GSTZ1: variants seen among roughly 807,000 people sequenced by gnomAD.
GSTZ1 encodes the protein maleylacetoacetate isomerase.
Under a neutral mutation model 35.9 loss-of-function variants are expected in GSTZ1, and 34 were observed. That is an observed-to-expected ratio of 0.95 (90% CI 0.72 to 1.26). GSTZ1 has a LOEUF of 1.26. Ranked by LOEUF, GSTZ1 falls within the 50% of genes most tolerant of loss-of-function variation. The probability of loss-of-function intolerance (pLI) is 0.00; values close to 1 mark genes in which losing one functional copy is unlikely to be tolerated. For synonymous variants in GSTZ1, 93 were observed against 101.2 expected, an observed-to-expected ratio of 0.92 and a Z score of 0.49; for missense variants, 263 against 271.7, an observed-to-expected ratio of 0.97 and a Z score of 0.23.
At chr14:77,329,452 A>G in intron 6 of GSTZ1, 1 of 595,002 alleles carries the variant, frequency 1.7e-6, no homozygotes, top group Non-Finnish European at 3.0e-6. Context: ...TTCACTGCCT[A>G]CTCCAGCTGG....
intron 1 of GSTZ1, 86 bp from the exon 2 acceptor site, chr14:77,324,784 C>A: frequency 1.5e-6 from 2 of 1,355,370 alleles, no homozygotes; most frequent in Non-Finnish European, 2.1e-6. Context: ...GGAGGCCTGG[C>A]AGGACAGGAA....
At chr14:77,325,710 C>T (rs8004561) in intron 2 of GSTZ1, 9,271 of 152,164 alleles carry the variant, frequency 0.061, 452 homozygotes, top group African/African-American at 0.13. Flanking sequence ...AAGAAGCTTG[C>T]CTCCAGAGTG....
At chr14:77,327,765 G>A in intron 4 of GSTZ1, 147 bp from the exon 5 acceptor site, 2 of 802,826 alleles carry the variant, frequency 2.5e-6, no homozygotes, top group Non-Finnish European at 4.1e-6. Flanking sequence ...GTCCAAAAAG[G>A]CTTATAGGGC....
At chr14:77,328,146 G>T (rs541738450) in intron 5 of GSTZ1, 109 bp downstream of exon 5, 50 of 1,063,598 alleles carry the variant, frequency 4.7e-5, no homozygotes. Flanking sequence ...GAGGGAGGGG[G>T]ATTCTCAGGG....
Position 77,331,334 on chromosome 14 carries a change from G to A in GSTZ1, c.*139G>A, listed in dbSNP as rs1414368502. On this transcript the variant is annotated 3_prime_UTR_variant, in exon 9 of 9. Transcript: ENST00000216465. ...TGGATCTGCCTTCCTGCTGAAACTT[G>A]TTCCACCTCAGTCCCCTCATCTGTC... 6.0e-6 allele frequency: 6 copies of A among 994,462 alleles called. No homozygotes were observed. Among genetic ancestry groups the A allele is most frequent in the Non-Finnish European group, 8.6e-6 (6 of 696,656 alleles). 61.6% of individuals were successfully genotyped at this position (994,462 alleles called of 1,614,324 possible).
rs1892205116 is a variant in GSTZ1 at position 77,324,524 on chromosome 14, A to G, written c.16-346A>G. ...GCTTCCCCATTGGCTCCTGAAATCC[A>G]CCCCTTTAGGTTTCCTTTCCCTGCT... On this transcript the variant is annotated intron_variant, in intron 1 of 8. Transcript: ENST00000216465. 4 of 1,318,702 alleles carry G rather than the reference A, an allele frequency of 3.0e-6. No individual in the cohort carries two copies. In the Admixed American group the frequency reaches 7.9e-5, roughly 26 times the overall value. The allele number at this position is 1,318,702 out of a possible 1,614,324, so 81.7% of individuals were successfully genotyped here. A position where few individuals can be genotyped will look rare whatever the true frequency, so the allele number is the denominator to read the frequency against.
intron 8 of GSTZ1, 67 bp downstream of exon 8, chr14:77,330,426 C>T (rs887767464): frequency 3.5e-5 from 45 of 1,274,044 alleles, no homozygotes; most frequent in East Asian, 4.6e-5. Context: ...ACTCAGCTGG[C>T]GAGATAGCAT....
rs778634162 is a variant in GSTZ1, at chr14:77,327,500, C to T, written c.164C>T (p.Pro55Leu). The T allele has an allele frequency of 1.9e-6, 3 of 1,608,918 alleles. No individual in the cohort carries two copies. The highest frequency in any genetic ancestry group is 2.5e-6 in the Non-Finnish European group (3 of 1,177,234). Residue 55 changes from proline (P) to leucine (L), a missense_variant, in exon 4 of 9, where the codon CCT becomes CTT. By Grantham distance (98) the Pro-to-Leu change is moderately conservative (BLOSUM62 -3). Coordinates refer to ENST00000216465, the MANE Select transcript of GSTZ1 (RefSeq NM_145870.3). ...QFSKDFQALNPMKQVPTLKID... is the reference protein window; with the variant it reads ...QFSKDFQALNLMKQVPTLKID... ...TCTAAGGACTTCCAGGCACTGAATC[C>T]TATGAAGCAGGTGCCAACCCTGAAG...
intron 1 of GSTZ1, among the ~76,000 whole-genome samples, chr14:77,322,137 T>C (rs369887983): frequency 3.3e-5 from 5 of 152,246 alleles, no homozygotes; most frequent in African/African-American, 1.2e-4. Flanking sequence ...ACGTTAATAA[T>C]GTATAGTCCT....
rs1425328588 is a variant in GSTZ1 at position 77,331,449 on chromosome 14, A to C, written c.*254A>C. 1 of 429,354 alleles carries C rather than the reference A, an allele frequency of 2.3e-6. No individual in the cohort carries two copies. Among genetic ancestry groups the C allele is most frequent in the African/African-American group, 2.0e-5 (1 of 51,054 alleles). 26.6% of individuals were successfully genotyped at this position (429,354 alleles called of 1,614,324 possible). On this transcript the variant is annotated 3_prime_UTR_variant, in exon 9 of 9. Transcript: ENST00000216465. Reference sequence around the variant, plus strand: ...GTGACGGGGCAGTCGTGAGGCTGAGATGAGAATGCGGATTAAAATGCCTGG... The same window carrying C: ...GTGACGGGGCAGTCGTGAGGCTGAGCTGAGAATGCGGATTAAAATGCCTGG...
intron 1 of GSTZ1, chr14:77,321,616 G>C (rs1411002400): frequency 1.0e-6 from 1 of 957,544 alleles, no homozygotes; most frequent in Non-Finnish European, 1.3e-6. Flanking sequence ...GGGCGCGGTG[G>C]CTCACGCCTG....
At position 77,324,922 on chromosome 14, in the gene GSTZ1, G is replaced by A; in HGVS notation, c.67+1G>A. The A allele has an allele frequency of 1.2e-6, 2 of 1,612,256 alleles. No homozygotes were observed. The highest frequency in any genetic ancestry group is 1.7e-6 in the Non-Finnish European group (2 of 1,178,234). On this transcript the variant is annotated splice_donor_variant, in intron 2 of 8. Transcript: ENST00000216465. LOFTEE classifies it high-confidence loss of function. ...TCCTGCTCATGGAGAGTTCGAATTG[G>A]TAAGAGATGTGCCTCCTCCAGGATG...
At chr14:77,323,009 T>G (rs1892108799) in intron 1 of GSTZ1, 1 of 152,260 alleles carries the variant, frequency 6.6e-6, no homozygotes, top group East Asian at 1.9e-4. Flanking sequence ...GGAAGATTCA[T>G]GAGTGCTAAT....
chr14:77,330,955 C>T, intron 8 of GSTZ1, 114 bp from the exon 9 acceptor site: 3 of 1,003,076 alleles, frequency 3.0e-6, no homozygotes, highest in Admixed American at 2.1e-5. Context: ...TCGTCCTTCC[C>T]TGGACAGCTC....
chr14:77,323,886 T>C (rs944866352), intron 1 of GSTZ1: 2 of 152,310 alleles, frequency 1.3e-5, no homozygotes, highest in Admixed American at 6.5e-5. Flanking sequence ...TTCCTTGTCT[T>C]GCTGCATTGC....
At chr14:77,323,065 GA>G (rs1433888628) in intron 1 of GSTZ1, 2 of 152,170 alleles carry the variant, frequency 1.3e-5, no homozygotes, top group Admixed American at 1.3e-4. Flanking sequence ...GCTGGCTCCC[GA>G]AGAAGTACCA....
chr14:77,325,315 G>A (rs1230282559), intron 2 of GSTZ1: 5 of 232,154 alleles, frequency 2.2e-5, no homozygotes, highest in South Asian at 6.1e-5. Context: ...CATCAGCCTC[G>A]GAGGCTTCAG....
intron 2 of GSTZ1, chr14:77,325,991 ACTAGGAGGAGCCTGGTATTGCCCAGGCT>A (rs1018218923): frequency 1.3e-5 from 2 of 152,216 alleles, no homozygotes; most frequent in Non-Finnish European, 2.9e-5. Flanking sequence ...GCTGACCAAC[ACTAGGAGGAGCCTGGTATTGCCCAGGCT>A]CTCCACACCA....
At chr14:77,327,171 C>G in intron 3 of GSTZ1, 1 of 593,130 alleles carries the variant, frequency 1.7e-6, no homozygotes, top group Non-Finnish European at 3.0e-6. Flanking sequence ...CTAGTGGGTC[C>G]CCACCCCATA....
Sources: gnomAD v4.1 joint callset for allele counts (sites outside exome capture counted in the v4.1 genomes callset) on GRCh38, gnomAD v4.1.1 for gene constraint, MANE v1.5 for transcripts, NCBI Gene and HGNC (gene_info 2026-07-23, HGNC 2026-07-21) for gene names.